The following CPNE4 variants were observed in gnomAD, a reference collection of about 807,000 sequenced individuals.
The protein encoded by CPNE4 is copine-4.
In CPNE4, 25 loss-of-function variants were observed where a neutral mutation model predicts 67.9. That is an observed-to-expected ratio of 0.37 (90% CI 0.27 to 0.51). The LOEUF (loss-of-function observed/expected upper bound fraction) is 0.51, where lower values mean the gene tolerates loss of function less well. Ranked by LOEUF, CPNE4 falls within the 20% of genes least tolerant of loss-of-function variation. CPNE4 has a pLI of 0.93. For synonymous variants in CPNE4, 242 were observed against 244.9 expected (o/e 0.99, Z 0.11); for missense variants, 464 against 690.8 (o/e 0.67, Z 3.68).
In CPNE4 at chr3:131,542,627, A is replaced by C; in HGVS notation, c.1469T>G (p.Leu490Arg). Residue 490 changes from leucine (L) to arginine (R), a missense_variant, in exon 15 of 16, where the codon CTG (leucine) becomes CGG (arginine). Coordinates refer to ENST00000429747, the MANE Select transcript of CPNE4 (RefSeq NM_130808.3). ...MQMLDGDDGI[L>R]RSPKGEPVLR... is the part of the protein sequence containing the mutation. The stretch of plus-strand genomic sequence containing the variant: ...AACAGGCTCTCCCTTGGGTGACCTC[A>C]GAATCCCATCATCACCGTCCAGCAT... 1 of 1,614,142 alleles carries C rather than the reference A, an allele frequency of 6.2e-7. No individual in the cohort carries two copies. The highest frequency in any genetic ancestry group is 8.5e-7 in the Non-Finnish European group (1 of 1,180,004).
intron 7 of CPNE4, among the ~76,000 whole-genome samples, chr3:131,615,931 A>ACACG (rs1553739664): frequency 6.2e-5 from 6 of 96,386 alleles, no homozygotes; most frequent in East Asian, 5.2e-4. Context: ...ACACACACGC[A>ACACG]CACACACACA....
chr3:131,826,130 A>C (rs1054913490), intron 2 of CPNE4, among the ~76,000 whole-genome samples: 2 of 152,210 alleles, frequency 1.3e-5, no homozygotes, highest in African/African-American at 4.8e-5. Context: ...CTCACCCTGT[A>C]AATGTAGACA....
intron 3 of CPNE4, among the ~76,000 whole-genome samples, chr3:131,709,598 G>A (rs2081509315): frequency 6.6e-6 from 1 of 152,222 alleles, no homozygotes. Flanking sequence ...TAGTAGTTGA[G>A]GTGGGGATGT....
chr3:131,704,746 A>G (rs1459763764), intron 3 of CPNE4, among the ~76,000 whole-genome samples: 1 of 152,180 alleles, frequency 6.6e-6, no homozygotes, highest in East Asian at 1.9e-4. Context: ...ATTTCTTGTC[A>G]TTTAATGATT....
chr3:131,699,993 A>C lies in CPNE4; in HGVS notation c.361-13T>G. On this transcript the variant is annotated splice_polypyrimidine_tract_variant and intron_variant, in intron 3 of 15. Coordinates refer to ENST00000429747, the MANE Select transcript of CPNE4 (RefSeq NM_130808.3). ...TCTGGGAAACAATCTGCAAAAAAGG[A>C]AACAAAAGGTAACAAAAGGTAGAGA... 1.2e-6 allele frequency: 2 copies of C among 1,607,752 alleles called. No individual in the cohort carries two copies. Among genetic ancestry groups the C allele is most frequent in the Non-Finnish European group, 1.7e-6 (2 of 1,175,718 alleles).
chr3:131,784,046 T>G (rs778179504), intron 2 of CPNE4, among the ~76,000 whole-genome samples: 3 of 152,122 alleles, frequency 2.0e-5, no homozygotes, highest in South Asian at 2.1e-4. Context: ...AATATAGTTT[T>G]AAGGTTTTTA....
intron 1 of CPNE4, among the ~76,000 whole-genome samples, chr3:131,986,867 CA>C (rs112652096): frequency 0.55 from 74,595 of 134,458 alleles, 20,977 homozygotes; most frequent in South Asian, 0.72. Flanking sequence ...AACAAACAAA[CA>C]AAAAAAAAAA....
chr3:131,632,833 G>T (rs1384733703), intron 7 of CPNE4, among the ~76,000 whole-genome samples: 1 of 152,052 alleles, frequency 6.6e-6, no homozygotes, highest in Non-Finnish European at 1.5e-5. Context: ...TGTGGTAAGG[G>T]ACTATCCTGA....
chr3:131,751,778 T>G (rs2082633658), intron 2 of CPNE4, among the ~76,000 whole-genome samples: 5 of 142,672 alleles, frequency 3.5e-5, no homozygotes, highest in Admixed American at 2.1e-4. Flanking sequence ...TTTTTTTGTT[T>G]TTTTGTTTGT....
At chr3:131,880,135 T>TC (rs2087614738) in intron 2 of CPNE4, among the ~76,000 whole-genome samples, 1 of 151,134 alleles carries the variant, frequency 6.6e-6, no homozygotes, top group South Asian at 2.1e-4. Context: ...TATACATATT[T>TC]TTTTTTTTTG....
intron 2 of CPNE4, among the ~76,000 whole-genome samples, chr3:131,876,653 A>AAAG (rs1553794943): frequency 1.4e-5 from 2 of 140,676 alleles, no homozygotes; most frequent in Non-Finnish European, 3.1e-5. Context: ...AAAAAAAAAA[A>AAAG]AAAGAAAGAA....
At chr3:131,891,974 ATGGGAAT>A (rs2088136126) in intron 2 of CPNE4, among the ~76,000 whole-genome samples, 1 of 152,090 alleles carries the variant, frequency 6.6e-6, no homozygotes, top group Admixed American at 6.5e-5. Flanking sequence ...GAAGGGCACC[ATGGGAAT>A]GGCAAAAAAT....
chr3:131,818,749 T>G (rs1394933534), intron 2 of CPNE4, among the ~76,000 whole-genome samples: 1 of 152,206 alleles, frequency 6.6e-6, no homozygotes, highest in Non-Finnish European at 1.5e-5. Context: ...CATCCCCATT[T>G]TAGGAAGTTG....
chr3:131,931,876 A>G (rs997375661), intron 1 of CPNE4, among the ~76,000 whole-genome samples: 4 of 152,186 alleles, frequency 2.6e-5, no homozygotes, highest in African/African-American at 9.7e-5. Context: ...GGTACTCGCC[A>G]GTTCTAATAT....
At chr3:131,764,838 G>A (rs917613669) in intron 2 of CPNE4, among the ~76,000 whole-genome samples, 2 of 152,046 alleles carry the variant, frequency 1.3e-5, no homozygotes, top group East Asian at 3.8e-4. Flanking sequence ...TTCCCAACAG[G>A]CTTATGAGGA....
chr3:131,838,206 A>T (rs1301074153), intron 2 of CPNE4, among the ~76,000 whole-genome samples: 5 of 152,044 alleles, frequency 3.3e-5, no homozygotes, highest in African/African-American at 1.2e-4. Context: ...AATTTGTTTT[A>T]CTAATACATT....
At chr3:131,830,369 C>A (rs1205023569) in intron 2 of CPNE4, among the ~76,000 whole-genome samples, 3 of 152,134 alleles carry the variant, frequency 2.0e-5, no homozygotes, top group Non-Finnish European at 4.4e-5. Flanking sequence ...TTCTGGCAAC[C>A]AGCTGACAGG....
chr3:132,018,902 C>G (rs758919679), intron 1 of CPNE4, among the ~76,000 whole-genome samples: 2 of 152,096 alleles, frequency 1.3e-5, no homozygotes, highest in Non-Finnish European at 2.9e-5. Context: ...AAGAGTGATT[C>G]GATTGCTACA....
intron 2 of CPNE4, among the ~76,000 whole-genome samples, chr3:131,780,906 AG>A (rs1183669999): frequency 6.6e-6 from 1 of 151,004 alleles, no homozygotes; most frequent in Non-Finnish European, 1.5e-5. Flanking sequence ...GCAGATCCAT[AG>A]GGGGAGATAT....
Sources: allele counts gnomAD v4.1 joint callset (sites outside exome capture counted in the v4.1 genomes callset), GRCh38; gene constraint gnomAD v4.1.1; transcripts MANE v1.5; gene names NCBI Gene and HGNC (gene_info 2026-07-23, HGNC 2026-07-21).